The following CLASP1 variants were observed in gnomAD, a reference collection of about 807,000 sequenced individuals.
CLASP1 encodes the protein CLIP-associating protein 1.
Under a neutral mutation model 192.3 loss-of-function variants are expected in CLASP1, and 38 were observed. The observed-to-expected ratio is 0.20, with a 90% CI of 0.15 to 0.26. The LOEUF (loss-of-function observed/expected upper bound fraction) is 0.26. Among genes scored for constraint, CLASP1 ranks in the 10% least tolerant of loss-of-function variants. CLASP1 has a pLI of 1.00. For missense variants in CLASP1, 1,433 were observed against 1,932.5 expected (o/e 0.74, Z 4.85); for synonymous variants, 691 against 712.8 (o/e 0.97, Z 0.49).
At chr2:121,471,819 T>C in intron 8 of CLASP1, among the ~76,000 whole-genome samples, 1 of 152,194 alleles carries the variant, frequency 6.6e-6, no homozygotes, top group East Asian at 1.9e-4. Context: ...CATTTTTCAT[T>C]GATTCAGATG....
At chr2:121,439,254 T>G (rs989903961) in intron 19 of CLASP1, among the ~76,000 whole-genome samples, 1 of 152,242 alleles carries the variant, frequency 6.6e-6, no homozygotes, top group African/African-American at 2.4e-5. Flanking sequence ...TCTATCAATT[T>G]TGTTGATCCT....
chr2:121,356,330 G>T (rs966561749), intron 37 of CLASP1, among the ~76,000 whole-genome samples: 2 of 152,154 alleles, frequency 1.3e-5, no homozygotes, highest in African/African-American at 4.8e-5. Flanking sequence ...CCAGTAGACT[G>T]GGGAAAAACG....
At chr2:121,553,166 A>T (rs967836052) in intron 2 of CLASP1, among the ~76,000 whole-genome samples, 1 of 152,188 alleles carries the variant, frequency 6.6e-6, no homozygotes, top group African/African-American at 2.4e-5. Context: ...CAAAGAAGGG[A>T]ACAACAGACA....
At chr2:121,574,455 T>C (rs1191134513) in intron 2 of CLASP1, among the ~76,000 whole-genome samples, 2 of 150,808 alleles carry the variant, frequency 1.3e-5, no homozygotes, top group Non-Finnish European at 2.9e-5. Flanking sequence ...GCCAACGTGG[T>C]GAAACCCTGT....
chr2:121,407,082 G>A (rs1405182996), intron 25 of CLASP1, among the ~76,000 whole-genome samples: 4 of 152,014 alleles, frequency 2.6e-5, no homozygotes, highest in African/African-American at 4.8e-5. Context: ...CAGGCGTGGT[G>A]GTGTACCCCC....
chr2:121,551,998 T>C (rs1019464422), intron 2 of CLASP1, among the ~76,000 whole-genome samples: 1 of 152,094 alleles, frequency 6.6e-6, no homozygotes, highest in Non-Finnish European at 1.5e-5. Flanking sequence ...AACAGGCACA[T>C]AGACCAATGG....
chr2:121,360,965 GA>G (rs891029358), intron 37 of CLASP1, among the ~76,000 whole-genome samples: 154 of 145,504 alleles, frequency 1.1e-3, no homozygotes, highest in Middle Eastern at 3.6e-3. Flanking sequence ...TAATTTTGCA[GA>G]AAAAAAAAAA....
chr2:121,463,504 G>A (rs2088590668), intron 9 of CLASP1, among the ~76,000 whole-genome samples: 1 of 152,210 alleles, frequency 6.6e-6, no homozygotes, highest in Admixed American at 6.6e-5. Context: ...GTCACTCACT[G>A]TGATGTGGTG....
chr2:121,407,765 T>G, intron 24 of CLASP1, 50 bp from the exon 26 acceptor site: 1 of 1,609,282 alleles, frequency 6.2e-7, no homozygotes, highest in Non-Finnish European at 8.5e-7. Flanking sequence ...AATAGAAAGG[T>G]GAAATGACTG....
chr2:121,599,229 A>G (rs977307788), intron 2 of CLASP1, among the ~76,000 whole-genome samples: 8 of 151,708 alleles, frequency 5.3e-5, no homozygotes, highest in African/African-American at 1.5e-4. Context: ...AAGGAATAAC[A>G]ACACGCAAGT....
chr2:121,638,870 T>C lies in CLASP1; in HGVS notation c.-286+10502A>G, dbSNP rs577596031. Among the ~76,000 whole-genome samples, 3 of 152,166 alleles carry C rather than the reference T, an allele frequency of 2.0e-5. No homozygotes were observed. In the East Asian group the frequency reaches 5.9e-4, roughly 30 times the overall value. On this transcript the variant is annotated intron_variant, in intron 1 of 39. Transcript: ENST00000263710. ...ATTTAGTAGAGACAGGGTTTCACCA[T>C]GTTGGTCAGGCTGGTCTTGAACTCC...
chr2:121,601,389 C>G (rs2063768367), intron 2 of CLASP1, among the ~76,000 whole-genome samples: 1 of 151,790 alleles, frequency 6.6e-6, no homozygotes, highest in South Asian at 2.1e-4. Flanking sequence ...TCTCCTACCT[C>G]AGCCTCCCAA....
chr2:121,490,749 C>T (rs538272674), intron 8 of CLASP1, among the ~76,000 whole-genome samples: 16 of 152,238 alleles, frequency 1.1e-4, no homozygotes, highest in Non-Finnish European at 2.1e-4. Context: ...CTTAGCACAG[C>T]TCAACACATA....
intron 8 of CLASP1, among the ~76,000 whole-genome samples, chr2:121,471,726 G>T (rs1459105695): frequency 1.3e-5 from 2 of 152,094 alleles, no homozygotes; most frequent in Non-Finnish European, 2.9e-5. Context: ...ATGCAGATTA[G>T]CTCCTTTCAC....
chr2:121,517,831 A>T (rs571220844), intron 6 of CLASP1, among the ~76,000 whole-genome samples: 5,624 of 126,272 alleles, frequency 0.045, 147 homozygotes, highest in Middle Eastern at 0.14. Flanking sequence ...ACCACACTCT[A>T]GCCTCAGAGA....
intron 23 of CLASP1, among the ~76,000 whole-genome samples, chr2:121,417,823 C>G (rs1476348223): frequency 1.3e-5 from 2 of 152,174 alleles, no homozygotes; most frequent in African/African-American, 4.8e-5. Context: ...ATCCCTCTTT[C>G]GTAGTGGCAT....
At chr2:121,485,054 C>A (rs904392960) in intron 8 of CLASP1, among the ~76,000 whole-genome samples, 1 of 152,102 alleles carries the variant, frequency 6.6e-6, no homozygotes, top group Non-Finnish European at 1.5e-5. Flanking sequence ...AGGGGAAAGG[C>A]AGAGGGTGGT....
At chr2:121,361,696 A>G (rs191837566) in intron 37 of CLASP1, among the ~76,000 whole-genome samples, 391 of 151,684 alleles carry the variant, frequency 2.6e-3, no homozygotes, top group Middle Eastern at 0.017. Flanking sequence ...AAGATGGGAC[A>G]CCCCTGCTCT....
chr2:121,417,314 C>T (rs72967367), intron 23 of CLASP1, among the ~76,000 whole-genome samples: 1 of 152,122 alleles, frequency 6.6e-6, no homozygotes, highest in Admixed American at 6.5e-5. Context: ...AAGGAAAACA[C>T]TGAATTGCTT....
Sources: gnomAD v4.1 joint callset for allele counts (sites outside exome capture counted in the v4.1 genomes callset) on GRCh38, gnomAD v4.1.1 for gene constraint, MANE v1.5 for transcripts, NCBI Gene and HGNC (gene_info 2026-07-23, HGNC 2026-07-21) for gene names.